The following FBXO36 variants were observed in gnomAD, a reference collection of about 807,000 sequenced individuals.
FBXO36 encodes F-box only protein 36.
A neutral mutation model predicts 17.0 loss-of-function variants in FBXO36; 18 were observed. The ratio of observed to expected loss-of-function variants is 1.06; its 90% confidence interval spans 0.73 to 1.57. The LOEUF is 1.57. Among genes scored for constraint, FBXO36 ranks in the 40% most tolerant of loss-of-function variants. FBXO36 has a pLI of 0.00. For synonymous variants in FBXO36, 83 were observed against 85.3 expected (o/e 0.97, Z 0.15); for missense variants, 229 against 221.9 (o/e 1.03, Z -0.20).
At chr2:229,928,865 A>T (rs543649638) in intron 1 of FBXO36, among the ~76,000 whole-genome samples, 1 of 152,098 alleles carries the variant, frequency 6.6e-6, no homozygotes, top group East Asian at 1.9e-4. Flanking sequence ...GGCTCAAGCA[A>T]TCCTTGCGCC....
intron 2 of FBXO36, among the ~76,000 whole-genome samples, chr2:229,979,400 A>G (rs757713927): frequency 6.0e-5 from 9 of 150,836 alleles, no homozygotes; most frequent in Non-Finnish European, 1.2e-4. Flanking sequence ...ATGTGTGTGT[A>G]TATATATATA....
intron 2 of FBXO36, among the ~76,000 whole-genome samples, chr2:229,979,585 G>T (rs2077227648): frequency 6.6e-6 from 1 of 151,936 alleles, no homozygotes; most frequent in Non-Finnish European, 1.5e-5. Flanking sequence ...TTTGAGACCA[G>T]CTTGGCCAAC....
At chr2:229,946,852 C>A (rs562124069) in intron 1 of FBXO36, among the ~76,000 whole-genome samples, 12 of 152,212 alleles carry the variant, frequency 7.9e-5, no homozygotes, top group South Asian at 4.2e-4. Context: ...AAATATTAGT[C>A]CTATTTGCTG....
intron 2 of FBXO36, among the ~76,000 whole-genome samples, chr2:229,996,011 C>A (rs140954254): frequency 1.2e-4 from 18 of 151,874 alleles, no homozygotes; most frequent in Admixed American, 3.3e-4. Context: ...TGTGGTGTCT[C>A]ATGCCTGGAA....
At chr2:229,960,530 G>A (rs1054468750) in intron 1 of FBXO36, among the ~76,000 whole-genome samples, 2 of 151,442 alleles carry the variant, frequency 1.3e-5, no homozygotes, top group East Asian at 1.9e-4. Context: ...TCACTCTGTC[G>A]CCCACACAGC....
intron 3 of FBXO36, among the ~76,000 whole-genome samples, chr2:230,006,267 C>T (rs2077386764): frequency 6.6e-6 from 1 of 151,764 alleles, no homozygotes; most frequent in Non-Finnish European, 1.5e-5. Context: ...AGCTAATTTT[C>T]GTATTTTTAG....
In FBXO36 at chr2:229,972,658, G is replaced by A. The variant is rs971724928; in HGVS notation, c.97-3583G>A. Among the ~76,000 whole-genome samples, 47 of 151,538 alleles carry A rather than the reference G, an allele frequency of 3.1e-4. 1 individual carries two copies. The highest frequency in any genetic ancestry group is 7.2e-4 in the Admixed American group (11 of 15,210). On this transcript the variant is annotated intron_variant, in intron 1 of 3. Coordinates refer to ENST00000283946, the MANE Select transcript of FBXO36 (RefSeq NM_174899.5). ...ATCCCACCGACATTCAGTGGGATGAGTATCATCCCACTGCCTCAGCCTCCC... is the reference window on the plus strand; with the variant it reads ...ATCCCACCGACATTCAGTGGGATGAATATCATCCCACTGCCTCAGCCTCCC...
At chr2:229,998,923 C>A (rs936463958) in intron 3 of FBXO36, among the ~76,000 whole-genome samples, 45 of 150,976 alleles carry the variant, frequency 3.0e-4, no homozygotes, top group African/African-American at 1.1e-3. Context: ...CTGCCTCAGC[C>A]TCCCGAGTAG....
chr2:229,939,915 CTACAAAAACA>C (rs1352188224), intron 1 of FBXO36, among the ~76,000 whole-genome samples: 2 of 152,156 alleles, frequency 1.3e-5, no homozygotes, highest in Non-Finnish European at 2.9e-5. Context: ...AACCACGTCT[CTACAAAAACA>C]TACAAAAATT....
chr2:229,962,766 C>T (rs982275726), intron 1 of FBXO36, among the ~76,000 whole-genome samples: 1 of 151,832 alleles, frequency 6.6e-6, no homozygotes. Flanking sequence ...CAACCTCCGC[C>T]TCCTGGGTTC....
intron 3 of FBXO36, among the ~76,000 whole-genome samples, chr2:230,003,981 C>T (rs1004979535): frequency 3.9e-5 from 6 of 152,206 alleles, no homozygotes; most frequent in African/African-American, 1.4e-4. Flanking sequence ...TTGTCCTGCT[C>T]ACTGGCCTTT....
chr2:229,937,911 T>C (rs1183938416), intron 1 of FBXO36: 1 of 152,198 alleles, frequency 6.6e-6, no homozygotes, highest in Non-Finnish European at 1.5e-5. Context: ...GCACTTACCA[T>C]GGTGGACATC....
At chr2:229,953,665 T>G (rs1166357394) in intron 1 of FBXO36, among the ~76,000 whole-genome samples, 1 of 151,612 alleles carries the variant, frequency 6.6e-6, no homozygotes, top group African/African-American at 2.4e-5. Flanking sequence ...GAATGATATC[T>G]TGTCTCAGAG....
intron 1 of FBXO36, among the ~76,000 whole-genome samples, chr2:229,939,632 T>C (rs1488040371): frequency 6.6e-6 from 1 of 152,018 alleles, no homozygotes; most frequent in African/African-American, 2.4e-5. Context: ...GAGAAATAGA[T>C]TGGCATTTGG....
Position 229,928,244 on chromosome 2 carries a change from C to T in FBXO36, c.96+5635C>T, listed in dbSNP as rs147843876. ...ACAATGCGGTGGATCTCTGTTTACT[C>T]AGTAGACCAAATAAAATCTTTAGCA... On this transcript the variant is annotated intron_variant, in intron 1 of 3. Coordinates refer to ENST00000283946, the MANE Select transcript of FBXO36 (RefSeq NM_174899.5). Among the ~76,000 whole-genome samples the T allele has an allele frequency of 3.9e-5, 6 of 152,286 alleles. No individual in the cohort carries two copies. The East Asian group carries it at 1.2e-3, about 29-fold the overall frequency.
At chr2:229,965,299 A>C (rs900498241) in intron 1 of FBXO36, among the ~76,000 whole-genome samples, 4 of 150,902 alleles carry the variant, frequency 2.7e-5, no homozygotes, top group African/African-American at 9.7e-5. Context: ...TCTTTGATCT[A>C]CTTGCACTTT....
At chr2:229,999,251 C>T (rs1277016778) in intron 3 of FBXO36, among the ~76,000 whole-genome samples, 12 of 150,768 alleles carry the variant, frequency 8.0e-5, no homozygotes, top group South Asian at 4.2e-4. Context: ...CTCAGCTTCC[C>T]GAGTAACTGG....
intron 1 of FBXO36, among the ~76,000 whole-genome samples, chr2:229,959,801 G>A (rs560456313): frequency 8.6e-5 from 13 of 151,548 alleles, no homozygotes; most frequent in Non-Finnish European, 1.6e-4. Flanking sequence ...AGCCAAGATC[G>A]TCCCACTGCA....
intron 1 of FBXO36, among the ~76,000 whole-genome samples, chr2:229,931,488 C>T (rs1185985998): frequency 1.3e-5 from 2 of 152,170 alleles, no homozygotes; most frequent in African/African-American, 4.8e-5. Flanking sequence ...CCCTATTTGC[C>T]TCATCAGCAT....
Sources: gnomAD v4.1 joint callset for allele counts (sites outside exome capture counted in the v4.1 genomes callset) on GRCh38, gnomAD v4.1.1 for gene constraint, MANE v1.5 for transcripts, NCBI Gene and HGNC (gene_info 2026-07-23, HGNC 2026-07-21) for gene names.